GNA14: variants seen among roughly 807,000 people sequenced by gnomAD.
GNA14 encodes the protein G protein subunit alpha 14.
A neutral mutation model predicts 42.0 loss-of-function variants in GNA14; 50 were observed. That is an observed-to-expected ratio of 1.19 (90% confidence interval 0.95 to 1.51). GNA14 has a LOEUF of 1.51. Among genes scored for constraint, GNA14 ranks in the 40% most tolerant of loss-of-function variants. The pLI, the probability that GNA14 is intolerant of heterozygous loss-of-function variation, is 0.00. For synonymous variants in GNA14, 173 were observed against 163.1 expected (o/e 1.06, Z -0.46); for missense variants, 473 against 446.2 (o/e 1.06, Z -0.54).
At chr9:77,491,849 C>T (rs1836782326) in intron 2 of GNA14, among the ~76,000 whole-genome samples, 1 of 152,210 alleles carries the variant, frequency 6.6e-6, no homozygotes, top group South Asian at 2.1e-4. Flanking sequence ...CACCCAACTG[C>T]TGTAGAATAC....
intron 2 of GNA14, among the ~76,000 whole-genome samples, chr9:77,497,109 G>A (rs193257440): frequency 4.6e-5 from 7 of 151,912 alleles, no homozygotes; most frequent in Admixed American, 2.6e-4. Context: ...AGAGGTGCTC[G>A]GAGACCATTT....
chr9:77,533,263 C>T (rs1837554285), intron 1 of GNA14, among the ~76,000 whole-genome samples: 1 of 152,188 alleles, frequency 6.6e-6, no homozygotes, highest in Admixed American at 6.5e-5. Context: ...TGCATGTAAC[C>T]TCCGCCTCTG....
chr9:77,429,937 C>T (rs1255809561), intron 4 of GNA14, among the ~76,000 whole-genome samples: 1 of 151,994 alleles, frequency 6.6e-6, no homozygotes, highest in African/African-American at 2.4e-5. Context: ...CCCCACCACA[C>T]ACACACACCA....
intron 1 of GNA14, among the ~76,000 whole-genome samples, chr9:77,556,709 CCACT>C (rs1009953621): frequency 1.1e-4 from 16 of 152,098 alleles, no homozygotes; most frequent in African/African-American, 3.9e-4. Context: ...TTGCCTTGTG[CCACT>C]CACTAATGTG....
At chr9:77,579,110 T>A (rs62574862) in intron 1 of GNA14, among the ~76,000 whole-genome samples, 3 of 152,268 alleles carry the variant, frequency 2.0e-5, no homozygotes, top group East Asian at 3.9e-4. Flanking sequence ...ATCTCTGAGA[T>A]CTAGGGCATC....
chr9:77,627,647 G>A (rs576545520), intron 1 of GNA14, among the ~76,000 whole-genome samples: 2 of 152,136 alleles, frequency 1.3e-5, no homozygotes, highest in East Asian at 1.9e-4. Flanking sequence ...CAAAAACCAC[G>A]ATTATCTCAA....
chr9:77,647,513 C>T (rs994788581), intron 1 of GNA14, among the ~76,000 whole-genome samples, 157 bp downstream of exon 1: 5 of 152,198 alleles, frequency 3.3e-5, no homozygotes, highest in Non-Finnish European at 7.3e-5. Context: ...GCACCTAAGG[C>T]CCCAAGTTGC....
At chr9:77,455,881 T>A (rs912014899) in intron 2 of GNA14, among the ~76,000 whole-genome samples, 1 of 152,192 alleles carries the variant, frequency 6.6e-6, no homozygotes, top group Non-Finnish European at 1.5e-5. Context: ...TTACAATACC[T>A]GTGTTTCATT....
At chr9:77,488,784 T>TAAAAAAAAAAAAAAAA (rs67416479) in intron 2 of GNA14, among the ~76,000 whole-genome samples, 2 of 53,684 alleles carry the variant, frequency 3.7e-5, no homozygotes, top group Admixed American at 2.4e-4. Flanking sequence ...CACACCTAAT[T>TAAAAAAAAAAAAAAAA]AAAAAAAAAA....
At chr9:77,480,139 G>A (rs966539338) in intron 2 of GNA14, among the ~76,000 whole-genome samples, 1 of 152,062 alleles carries the variant, frequency 6.6e-6, no homozygotes, top group African/African-American at 2.4e-5. Flanking sequence ...AGTTTTCAAA[G>A]GGAATGCTTC....
intron 1 of GNA14, among the ~76,000 whole-genome samples, chr9:77,594,009 T>A (rs913462324): frequency 1.3e-5 from 2 of 152,190 alleles, no homozygotes; most frequent in African/African-American, 4.8e-5. Context: ...TTTTGCCTAA[T>A]GTATCAGAAT....
At chr9:77,524,771 T>C (rs1442700698) in intron 2 of GNA14, among the ~76,000 whole-genome samples, 1 of 151,956 alleles carries the variant, frequency 6.6e-6, no homozygotes, top group East Asian at 1.9e-4. Context: ...AGAGAAGAAA[T>C]TGATGAAAAT....
chr9:77,444,485 T>TC (rs1340156049), intron 2 of GNA14, among the ~76,000 whole-genome samples: 3 of 152,086 alleles, frequency 2.0e-5, no homozygotes, highest in Non-Finnish European at 4.4e-5. Context: ...TTCCACTTCA[T>TC]CCCCCCAGAA....
At chr9:77,536,587 G>A (rs933778783) in intron 1 of GNA14, among the ~76,000 whole-genome samples, 4 of 152,172 alleles carry the variant, frequency 2.6e-5, no homozygotes, top group Non-Finnish European at 4.4e-5. Context: ...CTGGTCTCAA[G>A]CTATCTGCCC....
intron 2 of GNA14, among the ~76,000 whole-genome samples, chr9:77,447,572 A>C (rs1193328034): frequency 6.6e-6 from 1 of 152,182 alleles, no homozygotes; most frequent in African/African-American, 2.4e-5. Context: ...CAGTGCCTTA[A>C]CAGCACAGGT....
chr9:77,457,179 C>A (rs1300578421), intron 2 of GNA14, among the ~76,000 whole-genome samples: 2 of 152,192 alleles, frequency 1.3e-5, no homozygotes, highest in African/African-American at 2.4e-5. Context: ...AGAACCCAGG[C>A]ATTCTGACCC....
At chr9:77,570,395 C>T (rs1823042589) in intron 1 of GNA14, among the ~76,000 whole-genome samples, 1 of 152,166 alleles carries the variant, frequency 6.6e-6, no homozygotes, top group South Asian at 2.1e-4. Flanking sequence ...GCAGTGACTC[C>T]TTGCCCCCAC....
chr9:77,504,474 C>G (rs1490287211), intron 2 of GNA14, among the ~76,000 whole-genome samples: 2 of 151,414 alleles, frequency 1.3e-5, no homozygotes, highest in Non-Finnish European at 2.9e-5. Flanking sequence ...TTACCATAAC[C>G]CAGTTATCAG....
chr9:77,439,229 G>C (rs764617162), intron 2 of GNA14, among the ~76,000 whole-genome samples: 1 of 152,212 alleles, frequency 6.6e-6, no homozygotes, highest in Non-Finnish European at 1.5e-5. Flanking sequence ...AGGAAGGACA[G>C]GGAGGAATGA....
Sources: allele counts gnomAD v4.1 joint callset (sites outside exome capture counted in the v4.1 genomes callset), GRCh38; gene constraint gnomAD v4.1.1; transcripts MANE v1.5; gene names NCBI Gene and HGNC (gene_info 2026-07-23, HGNC 2026-07-21).